The following EXOC6 variants were observed in gnomAD, a reference collection of about 807,000 sequenced individuals.
EXOC6 encodes exocyst complex component 6.
In EXOC6, 60 loss-of-function variants were observed where a neutral mutation model predicts 112.5. The ratio of observed to expected loss-of-function variants is 0.53; its 90% CI spans 0.43 to 0.66. The LOEUF is 0.66. Ranked by LOEUF, EXOC6 falls within the 30% of genes least tolerant of loss-of-function variation. The probability of loss-of-function intolerance (pLI) is 0.00; values close to 1 mark genes in which losing one functional copy is unlikely to be tolerated. For missense variants in EXOC6, 855 were observed against 957.1 expected (o/e 0.89, Z 1.41); for synonymous variants, 295 against 308.0 (o/e 0.96, Z 0.44).
At chr10:92,939,505 G>T (rs1852538394) in intron 12 of EXOC6, among the ~76,000 whole-genome samples, 1 of 151,906 alleles carries the variant, frequency 6.6e-6, no homozygotes, top group Admixed American at 6.6e-5. Context: ...TATTATTATG[G>T]ATAGGAAATA....
At chr10:92,937,722 G>T (rs879893941) in intron 12 of EXOC6, among the ~76,000 whole-genome samples, 4 of 152,068 alleles carry the variant, frequency 2.6e-5, no homozygotes, top group Non-Finnish European at 5.9e-5. Flanking sequence ...CCAAATTTTG[G>T]GAGCCCATTT....
rs117521616 is a variant in EXOC6, at chr10:93,011,320, G to A, written c.2096-2874G>A. 3.0e-3 allele frequency among the ~76,000 whole-genome samples: 457 copies of A among 151,728 alleles called. 1 individual carries two copies. Among genetic ancestry groups the A allele is most frequent in the Middle Eastern group, 6.8e-3 (2 of 294 alleles). On this transcript the variant is annotated intron_variant, in intron 19 of 21. Coordinates refer to ENST00000260762, the MANE Select transcript of EXOC6 (RefSeq NM_019053.6). ...CACCCAGGCTGGAGTGCAGTGGTAC[G>A]ATCATGGCTCAGTGCAGCCTCAACC...
chr10:93,013,704 C>T (rs1250414596), intron 19 of EXOC6, among the ~76,000 whole-genome samples: 1 of 152,240 alleles, frequency 6.6e-6, no homozygotes, highest in African/African-American at 2.4e-5. Context: ...TACTTATTGT[C>T]TGCATGTAAA....
chr10:93,049,733 C>A (rs969722875), intron 20 of EXOC6, among the ~76,000 whole-genome samples: 2 of 152,142 alleles, frequency 1.3e-5, no homozygotes, highest in Admixed American at 1.3e-4. Flanking sequence ...GTGTGCACCA[C>A]CACAGCCAGC....
chr10:93,022,772 C>T (rs1844843411), intron 20 of EXOC6, among the ~76,000 whole-genome samples: 1 of 151,302 alleles, frequency 6.6e-6, no homozygotes, highest in Non-Finnish European at 1.5e-5. Flanking sequence ...AGTGAAGTCT[C>T]ACATGAGGTG....
At chr10:93,001,642 A>AAATAAAATATTAT (rs1843761229) in intron 19 of EXOC6, among the ~76,000 whole-genome samples, 1 of 152,246 alleles carries the variant, frequency 6.6e-6, no homozygotes, top group Non-Finnish European at 1.5e-5. Flanking sequence ...CTACGAAGGC[A>AAATAAAATATTAT]CATAGCTTAT....
chr10:92,949,523 T>C (rs1246181446), intron 14 of EXOC6, among the ~76,000 whole-genome samples: 2 of 151,632 alleles, frequency 1.3e-5, no homozygotes, highest in Admixed American at 1.3e-4. Context: ...TGGTAATGAG[T>C]TTGTTCAGGC....
intron 20 of EXOC6, among the ~76,000 whole-genome samples, chr10:93,030,682 C>CGACT (rs1246923564): frequency 6.6e-6 from 1 of 152,176 alleles, no homozygotes; most frequent in East Asian, 1.9e-4. Context: ...AGTATGCAGT[C>CGACT]TCCAAGTATG....
chr10:92,973,476 T>C (rs548707046), intron 17 of EXOC6, among the ~76,000 whole-genome samples: 2 of 152,372 alleles, frequency 1.3e-5, no homozygotes, highest in East Asian at 3.9e-4. Flanking sequence ...TTGACAATTT[T>C]TGATAAGTTT....
At chr10:93,014,517 A>C (rs938174442) in intron 20 of EXOC6, among the ~76,000 whole-genome samples, 2 of 152,202 alleles carry the variant, frequency 1.3e-5, no homozygotes, top group African/African-American at 4.8e-5. Context: ...TGCTAAGCAC[A>C]TTACTAAATC....
chr10:92,828,359 A>C (rs184869851), intron 1 of EXOC6, among the ~76,000 whole-genome samples: 8 of 152,280 alleles, frequency 5.3e-5, no homozygotes, highest in Admixed American at 1.3e-4. Flanking sequence ...TGTTTTAATG[A>C]GTCTTGCTCT....
intron 14 of EXOC6, among the ~76,000 whole-genome samples, chr10:92,951,047 G>T (rs1853377269): frequency 6.6e-6 from 1 of 152,162 alleles, no homozygotes; most frequent in Non-Finnish European, 1.5e-5. Context: ...TTCCACCTTG[G>T]ATGGTGGCAG....
chr10:92,996,781 A>G (rs1398635757), intron 18 of EXOC6, among the ~76,000 whole-genome samples: 1 of 152,182 alleles, frequency 6.6e-6, no homozygotes, highest in Admixed American at 6.5e-5. Flanking sequence ...TTAATGATGT[A>G]TATTATACTG....
intron 17 of EXOC6, among the ~76,000 whole-genome samples, chr10:92,966,077 C>T (rs1314665752): frequency 2.0e-5 from 3 of 151,914 alleles, no homozygotes; most frequent in African/African-American, 7.3e-5. Flanking sequence ...GTTATTTTAA[C>T]TTAGATATTT....
At chr10:92,898,356 A>G (rs1474329371) in intron 4 of EXOC6, among the ~76,000 whole-genome samples, 1 of 151,622 alleles carries the variant, frequency 6.6e-6, no homozygotes, top group East Asian at 1.9e-4. Context: ...CTTGAGCCCA[A>G]GAGGTTGAGG....
At chr10:92,867,111 T>C (rs951380171) in intron 1 of EXOC6, among the ~76,000 whole-genome samples, 2 of 152,126 alleles carry the variant, frequency 1.3e-5, no homozygotes, top group Non-Finnish European at 2.9e-5. Context: ...TCAAGAGATG[T>C]AAGAGTCACA....
chr10:92,905,696 G>A (rs1314561726), intron 5 of EXOC6, among the ~76,000 whole-genome samples: 1 of 152,014 alleles, frequency 6.6e-6, no homozygotes, highest in East Asian at 1.9e-4. Context: ...TCACCATTAA[G>A]TATGGTATTA....
In EXOC6 at chr10:93,014,232, G is replaced by T; in HGVS notation, c.2134G>T (p.Asp712Tyr). 1 of 1,613,312 alleles carries T rather than the reference G, an allele frequency of 6.2e-7. No homozygotes were observed. Among genetic ancestry groups the T allele is most frequent in the Non-Finnish European group, 8.5e-7 (1 of 1,179,648 alleles). The change falls in exon 20 of 22, where the codon GAT (aspartate) becomes TAT (tyrosine). Residue 712 changes from aspartate to tyrosine, a missense_variant. Around this residue, in one of 2 missense-constraint regions of EXOC6, gnomAD observed 450 missense variants for 563.5 expected, o/e 0.80. Transcript: ENST00000260762. ...SSEPVPGFQGDTLQLAFIDLR... is the reference protein window; with the variant it reads ...SSEPVPGFQGYTLQLAFIDLR... The stretch of plus-strand genomic sequence containing the variant: ...TGAGCCTGTGCCAGGATTCCAGGGG[G>T]ATACCCTGCAGCTAGCATTCATTGA...
intron 1 of EXOC6, among the ~76,000 whole-genome samples, chr10:92,873,863 C>T (rs911914605): frequency 5.6e-4 from 85 of 151,910 alleles, no homozygotes; most frequent in African/African-American, 2.0e-3. Flanking sequence ...CCAGCCTGGC[C>T]AACATGGTGA....
Sources: gnomAD v4.1 joint callset for allele counts (sites outside exome capture counted in the v4.1 genomes callset) on GRCh38, gnomAD v4.1.1 for gene constraint, gnomAD v4.1.1 regional missense constraint, MANE v1.5 for transcripts, NCBI Gene and HGNC (gene_info 2026-07-23, HGNC 2026-07-21) for gene names.